TULP4: variants seen among roughly 807,000 people sequenced by gnomAD.
The protein encoded by TULP4 is TUB like protein 4.
TULP4 carries 16 observed loss-of-function variants against 129.0 expected under a neutral mutation model. The observed-to-expected ratio is 0.12, with a 90% confidence interval of 0.08 to 0.19. The LOEUF is 0.19. Ranked by LOEUF, TULP4 falls within the 10% of genes least tolerant of loss-of-function variation. The probability of loss-of-function intolerance (pLI) is 1.00; values close to 1 mark genes in which losing one functional copy is unlikely to be tolerated. For synonymous variants in TULP4, 998 were observed against 854.0 expected, an observed-to-expected ratio of 1.17 and a Z score of -2.94; for missense variants, 1,842 against 2,059.1, an observed-to-expected ratio of 0.89 and a Z score of 2.04.
chr6:158,251,531 A>G (rs183281517), intron 1 of TULP4, among the ~76,000 whole-genome samples: 105 of 152,346 alleles, frequency 6.9e-4, no homozygotes, highest in Admixed American at 1.9e-3. Flanking sequence ...CTCTTTGTAC[A>G]TTTAAAAACA....
At position 158,458,987 on chromosome 6, in the gene TULP4, C is replaced by T. The variant is rs928698091; in HGVS notation, c.860-2576C>T. Among the ~76,000 whole-genome samples the T allele has an allele frequency of 2.0e-5, 3 of 152,208 alleles. No individual in the cohort carries two copies. In the East Asian group the frequency reaches 5.8e-4, roughly 29 times the overall value. ...GCTTTATGCTAAATCATCAGAGGCA[C>T]TCACATACGTTGCTATATCGCTTGA... On this transcript the variant is annotated intron_variant, in intron 5 of 13. Transcript: ENST00000367097.
Position 158,467,425 on chromosome 6 carries a change from G to A in TULP4, c.1026+5696G>A, listed in dbSNP as rs565255021. On this transcript the variant is annotated intron_variant, in intron 6 of 13. Coordinates refer to ENST00000367097, the MANE Select transcript of TULP4 (RefSeq NM_020245.5). Reference sequence around the variant, plus strand: ...CTCCCGAGTAGCTGGTATTACAGGCGCGTGCCACCACACCCGGCTAATTTT... The same window carrying A: ...CTCCCGAGTAGCTGGTATTACAGGCACGTGCCACCACACCCGGCTAATTTT... 9.2e-5 allele frequency among the ~76,000 whole-genome samples: 14 copies of A among 152,018 alleles called. No individual in the cohort carries two copies. The South Asian group carries it at 1.9e-3, about 20-fold the overall frequency.
intron 3 of TULP4, among the ~76,000 whole-genome samples, chr6:158,432,110 T>TA (rs1778643241): frequency 9.8e-6 from 1 of 102,388 alleles, no homozygotes; most frequent in Non-Finnish European, 2.1e-5. Flanking sequence ...AAAAAAAAAA[T>TA]TAAAAAAAAA....
At chr6:158,379,092 T>A (rs928062372) in intron 1 of TULP4, among the ~76,000 whole-genome samples, 1 of 151,524 alleles carries the variant, frequency 6.6e-6, no homozygotes, top group South Asian at 2.1e-4. Context: ...TGGGAGAGAG[T>A]CCAGGCTGGC....
At chr6:158,506,197 C>CA (rs1286174769) in intron 13 of TULP4, among the ~76,000 whole-genome samples, 4 of 148,328 alleles carry the variant, frequency 2.7e-5, no homozygotes, top group Admixed American at 1.3e-4. Context: ...CATGCAGACC[C>CA]GGCTGTCGCC....
rs143329052 is a variant in TULP4 at position 158,370,905 on chromosome 6, G to C, written c.253-42160G>C. Among the ~76,000 whole-genome samples, 438 of 152,272 alleles carry C rather than the reference G, an allele frequency of 2.9e-3. 1 individual carries two copies. Among genetic ancestry groups the C allele is most frequent in the African/African-American group, 9.9e-3 (413 of 41,576 alleles). On this transcript the variant is annotated intron_variant, in intron 1 of 13. Transcript: ENST00000367097. ...CTCTTCTAGAAAACAGGGCAAATGT[G>C]GTAGACATCCACTGTTTTTGACATC...
chr6:158,238,370 G>T, intron 1 of TULP4: 2 of 699,400 alleles, frequency 2.9e-6, no homozygotes. Context: ...TTGAGGCATT[G>T]TTCGGCCTGG....
At chr6:158,495,500 T>TTC (rs1232959192) in intron 11 of TULP4, among the ~76,000 whole-genome samples, 1 of 152,174 alleles carries the variant, frequency 6.6e-6, no homozygotes, top group Non-Finnish European at 1.5e-5. Flanking sequence ...TGGGCGGATT[T>TTC]TTGGTAAACT....
intron 3 of TULP4, among the ~76,000 whole-genome samples, chr6:158,446,998 C>A (rs1275191496): frequency 6.6e-6 from 1 of 152,158 alleles, no homozygotes; most frequent in Non-Finnish European, 1.5e-5. Flanking sequence ...AACATTCAGT[C>A]CATAATAGTC....
chr6:158,351,577 C>G (rs1022244362), intron 1 of TULP4, among the ~76,000 whole-genome samples: 12 of 152,064 alleles, frequency 7.9e-5, no homozygotes, highest in Non-Finnish European at 1.5e-4. Context: ...TGGATTTGCT[C>G]CCTTTTATAA....
chr6:158,286,142 C>G (rs779622639), intron 1 of TULP4, among the ~76,000 whole-genome samples: 3 of 152,126 alleles, frequency 2.0e-5, no homozygotes, highest in Non-Finnish European at 2.9e-5. Context: ...TTATCTGTTG[C>G]AATTCATTCA....
rs184374785 is a variant in TULP4, at chr6:158,503,467, C to T, written c.3804C>T (p.Ala1268=). ...TGCATCCATGGAGTTCCTACAGCGCCTGCCCGCCCATGCAGAACCCCCAGG... is the reference window on the plus strand; with the variant it reads ...TGCATCCATGGAGTTCCTACAGCGCTTGCCCGCCCATGCAGAACCCCCAGG... The part of the protein sequence containing the change: ...VALHPWSSYS[A]CPPMQNPQGT... The change falls in exon 13 of 14, where the codon GCC becomes GCT. Residue 1268 remains alanine (A), a synonymous_variant. Coordinates refer to ENST00000367097, the MANE Select transcript of TULP4 (RefSeq NM_020245.5). The surrounding 1 kb of genome is among the most constrained non-coding windows in gnomAD (Gnocchi z 4.3). The T allele has an allele frequency of 1.7e-5, 27 of 1,614,014 alleles. No homozygotes were observed. The highest frequency in any genetic ancestry group is 3.3e-5 in the Admixed American group (2 of 60,026).
intron 1 of TULP4, among the ~76,000 whole-genome samples, chr6:158,333,195 G>A (rs548980015): frequency 4.7e-4 from 71 of 152,212 alleles, no homozygotes; most frequent in Non-Finnish European, 8.4e-4. Flanking sequence ...AAATTCATAT[G>A]TTGAAGCCCT....
At chr6:158,267,764 G>A (rs1318938746) in intron 1 of TULP4, among the ~76,000 whole-genome samples, 3 of 152,090 alleles carry the variant, frequency 2.0e-5, no homozygotes, top group East Asian at 3.9e-4. Context: ...TCAGCCTCCC[G>A]TTTTCCTCCG....
intron 3 of TULP4, among the ~76,000 whole-genome samples, chr6:158,446,740 C>T (rs1053756004): frequency 3.3e-5 from 5 of 152,156 alleles, no homozygotes; most frequent in African/African-American, 1.2e-4. Context: ...ATCAAAGTGC[C>T]AGCCAATTTG....
intron 1 of TULP4, among the ~76,000 whole-genome samples, chr6:158,332,258 A>G (rs1779928820): frequency 6.7e-6 from 1 of 149,774 alleles, no homozygotes; most frequent in Non-Finnish European, 1.5e-5. Flanking sequence ...AGTAAGATAT[A>G]AAGAGACTCT....
At chr6:158,491,428 T>TTGAGGAGTCTCGCTCTGTTGC (rs1562589123) in intron 9 of TULP4, among the ~76,000 whole-genome samples, 1 of 127,224 alleles carries the variant, frequency 7.9e-6, no homozygotes, top group African/African-American at 2.6e-5. Context: ...TTTCTTTCTT[T>TTGAGGAGTCTCGCTCTGTTGC]CTTTCTTTCT....
chr6:158,261,009 A>G (rs534975817), intron 1 of TULP4, among the ~76,000 whole-genome samples: 4 of 151,888 alleles, frequency 2.6e-5, no homozygotes, highest in Admixed American at 2.0e-4. Context: ...TTTAGTAGAG[A>G]TGGGGTTTCA....
At chr6:158,323,817 A>G (rs1477388673) in intron 1 of TULP4, among the ~76,000 whole-genome samples, 1 of 152,256 alleles carries the variant, frequency 6.6e-6, no homozygotes, top group Admixed American at 6.5e-5. Context: ...TCTATACAGT[A>G]AGTCCTCAAT....
Sources: allele counts gnomAD v4.1 joint callset (sites outside exome capture counted in the v4.1 genomes callset), GRCh38; gene constraint gnomAD v4.1.1; non-coding constraint Gnocchi (gnomAD v3.1); transcripts MANE v1.5; gene names NCBI Gene and HGNC (gene_info 2026-07-23, HGNC 2026-07-21).